Variants in SYNE2 observed in about 807,000 individuals in gnomAD.
The protein encoded by SYNE2 is nesprin-2.
Under a neutral mutation model 856.3 loss-of-function variants are expected in SYNE2, and 431 were observed. The ratio of observed to expected loss-of-function variants is 0.50; its 90% confidence interval spans 0.47 to 0.55. The LOEUF is 0.55. SYNE2 is among the 20% of genes least tolerant of loss of function. SYNE2 has a pLI of 0.00. For synonymous variants in SYNE2, 2,923 were observed against 2,872.3 expected (o/e 1.02, Z -0.56); for missense variants, 8,129 against 8,023.2 (o/e 1.01, Z -0.50).
At chr14:63,876,734 C>T (rs1445553208) in intron 1 of SYNE2, among the ~76,000 whole-genome samples, 2 of 152,190 alleles carry the variant, frequency 1.3e-5, no homozygotes, top group Non-Finnish European at 2.9e-5. Flanking sequence ...GATCCGCCCA[C>T]CTCAGCCTCC....
At chr14:64,164,292 A>G (rs973479337) in intron 89 of SYNE2, among the ~76,000 whole-genome samples, 4 of 151,838 alleles carry the variant, frequency 2.6e-5, no homozygotes, top group African/African-American at 9.7e-5. Context: ...TTGTATTTTT[A>G]GTAGAGACAG....
Position 64,122,134 on chromosome 14 carries a change from G to C in SYNE2, c.13280+1G>C. 6.2e-7 allele frequency: 1 copy of C among 1,614,156 alleles called. No individual in the cohort carries two copies. Among genetic ancestry groups the C allele is most frequent in the Non-Finnish European group, 8.5e-7 (1 of 1,180,028 alleles). ...ATACAACTCAGGAATCATCTGCAAG[G>C]TAAAACATTTAAAAATAGAGTTGGT... On this transcript the variant is annotated splice_donor_variant, in intron 69 of 115. Coordinates refer to ENST00000555002, the MANE Select transcript of SYNE2 (RefSeq NM_182914.3). LOFTEE classifies it high-confidence loss of function.
intron 96 of SYNE2, among the ~76,000 whole-genome samples, chr14:64,182,534 C>T (rs1346325486): frequency 1.3e-5 from 2 of 151,712 alleles, no homozygotes; most frequent in Non-Finnish European, 2.9e-5. Context: ...GAGGACCCTG[C>T]GGCCTTCCTC....
At position 64,052,503 on chromosome 14, in the gene SYNE2, G is replaced by C; in HGVS notation, c.8590G>C (p.Ala2864Pro). ...ACTGATAATTCCCAGGGTGGAGACA[G>C]CTGCCACGGAAGCTGAACTAAAACA... is the stretch of plus-strand genomic sequence containing the variant. ...ETLIIPRVET[A>P]ATEAELKHHH... Residue 2864 changes from alanine (A) to proline (P), a missense_variant, in exon 48 of 116, where the codon GCT becomes CCT. Around this residue, in one of 3 missense-constraint regions of SYNE2, gnomAD observed 5,410 missense variants for 5,284.8 expected, o/e 1.02. Transcript: ENST00000555002. The C allele has an allele frequency of 6.2e-7, 1 of 1,614,120 alleles. No individual in the cohort carries two copies.
rs2096757396 is a variant in SYNE2, at chr14:64,001,829, T to C, written c.3639-105T>C. 4.0e-6 allele frequency: 5 copies of C among 1,247,720 alleles called. No individual in the cohort carries two copies. The South Asian group carries it at 4.8e-5, about 12-fold the overall frequency. 77.3% of individuals were successfully genotyped at this position (1,247,720 alleles called of 1,614,324 possible). A position where few individuals can be genotyped will look rare whatever the true frequency, so the allele number is the denominator to read the frequency against. On this transcript the variant is annotated intron_variant, in intron 28 of 115. Coordinates refer to ENST00000555002, the MANE Select transcript of SYNE2 (RefSeq NM_182914.3). ...GTATATATCATTGTATGTCTGTTTA[T>C]TGGATAATTATTTTCTGTTCTTAGT...
chr14:64,210,432 C>A (rs939529192), intron 103 of SYNE2, among the ~76,000 whole-genome samples: 2 of 152,194 alleles, frequency 1.3e-5, no homozygotes, highest in African/African-American at 2.4e-5. Flanking sequence ...GGCGCCGCTT[C>A]GCTGGGTCTG....
At chr14:63,767,990 T>C (rs1234419892) in intron 1 of SYNE2, among the ~76,000 whole-genome samples, 1 of 152,078 alleles carries the variant, frequency 6.6e-6, no homozygotes, top group Non-Finnish European at 1.5e-5. Context: ...GCGCAGGAGT[T>C]CAGGACCAGC....
intron 8 of SYNE2, among the ~76,000 whole-genome samples, chr14:63,959,401 A>G (rs1421700015): frequency 2.8e-5 from 4 of 144,876 alleles, no homozygotes; most frequent in South Asian, 2.2e-4. Context: ...GGGTTCAAGC[A>G]ATTCTCCTGC....
chr14:64,080,420 T>G (rs189442928), intron 55 of SYNE2, 36 bp from the exon 56 acceptor site: 45 of 1,609,486 alleles, frequency 2.8e-5, no homozygotes, highest in Non-Finnish European at 1.7e-6. Context: ...AACTATGACC[T>G]CTTCATTCAA....
intron 2 of SYNE2, among the ~76,000 whole-genome samples, chr14:63,914,959 G>A (rs756049910): frequency 5.9e-5 from 9 of 152,090 alleles, no homozygotes; most frequent in Non-Finnish European, 1.0e-4. Context: ...TACATTTTTA[G>A]TAGAGATGGG....
intron 2 of SYNE2, among the ~76,000 whole-genome samples, chr14:63,913,825 G>T (rs55723325): frequency 0.62 from 89,041 of 142,932 alleles, 26,428 homozygotes; most frequent in South Asian, 0.74. Flanking sequence ...GATAATAAAT[G>T]GCTGTTTAAA....
intron 10 of SYNE2, among the ~76,000 whole-genome samples, chr14:63,966,901 C>T (rs553302164): frequency 6.6e-6 from 1 of 151,560 alleles, no homozygotes; most frequent in East Asian, 2.0e-4. Context: ...GACGGAGTCT[C>T]TGTCACCAGG....
chr14:64,219,123 TTA>T, intron 109 of SYNE2, 83 bp from the exon 110 acceptor site: 1 of 966,344 alleles, frequency 1.0e-6, no homozygotes. Context: ...TTTTTTTTTT[TTA>T]ACCACCCTGA....
chr14:63,937,495 C>T (rs2095848221), intron 2 of SYNE2, among the ~76,000 whole-genome samples: 1 of 152,102 alleles, frequency 6.6e-6, no homozygotes, highest in Non-Finnish European at 1.5e-5. Flanking sequence ...TTCATCTGTG[C>T]TGATAGGTTG....
chr14:63,922,658 T>G (rs1454113293), intron 2 of SYNE2, among the ~76,000 whole-genome samples: 3 of 152,256 alleles, frequency 2.0e-5, no homozygotes, highest in East Asian at 3.8e-4. Flanking sequence ...ATATTTATTT[T>G]GAGATATATT....
intron 99 of SYNE2, among the ~76,000 whole-genome samples, chr14:64,199,730 A>AAAAAT (rs1364766900): frequency 7.2e-4 from 109 of 151,670 alleles, no homozygotes; most frequent in African/African-American, 2.4e-3. Flanking sequence ...AAAAAAAAAA[A>AAAAAT]AAAAAAGTAC....
intron 1 of SYNE2, among the ~76,000 whole-genome samples, chr14:63,875,458 G>A (rs1370622215): frequency 6.6e-6 from 1 of 152,028 alleles, no homozygotes; most frequent in Non-Finnish European, 1.5e-5. Context: ...CAACATTTTA[G>A]GGCTCTCTTC....
chr14:64,079,789 G>A (rs987676796), intron 55 of SYNE2, among the ~76,000 whole-genome samples: 1 of 152,038 alleles, frequency 6.6e-6, no homozygotes, highest in Non-Finnish European at 1.5e-5. Flanking sequence ...ACTCACTTCA[G>A]CCTTGACCTC....
intron 32 of SYNE2, among the ~76,000 whole-genome samples, chr14:64,013,323 A>ATTTTTTT (rs57074861): frequency 2.9e-5 from 4 of 136,280 alleles, no homozygotes; most frequent in Non-Finnish European, 4.9e-5. Context: ...TCCTCATTAA[A>ATTTTTTT]TTTTTTTTTT....
Sources: allele counts gnomAD v4.1 joint callset (sites outside exome capture counted in the v4.1 genomes callset), GRCh38; gene constraint gnomAD v4.1.1; regional missense constraint gnomAD v4.1.1; transcripts MANE v1.5; gene names NCBI Gene and HGNC (gene_info 2026-07-23, HGNC 2026-07-21).